QRICH2: variants seen among roughly 807,000 people sequenced by gnomAD.
QRICH2 encodes glutamine rich 2.
Under a neutral mutation model 168.3 loss-of-function variants are expected in QRICH2, and 119 were observed. The ratio of observed to expected loss-of-function variants is 0.71; its 90% CI spans 0.61 to 0.82. The LOEUF is 0.82. Among genes scored for constraint, QRICH2 ranks in the 40% least tolerant of loss-of-function variants. The pLI, the probability that QRICH2 is intolerant of heterozygous loss-of-function variation, is 0.00. For synonymous variants in QRICH2, 894 were observed against 951.2 expected (o/e 0.94, Z 1.11); for missense variants, 2,241 against 2,491.6 (o/e 0.90, Z 2.14).
chr17:76,291,027 G>C lies in QRICH2; in HGVS notation c.3700C>G (p.Leu1234Val), dbSNP rs753194480. The change falls in exon 4 of 19, where the codon CTG (leucine) becomes GTG (valine). Residue 1234 changes from leucine to valine, a missense_variant. Physicochemically the swap from Leu to Val is conservative, Grantham distance 32. Transcript: ENST00000680821. ...QTDLEKIQFL[L>V]AQMVKRTIPP... ...AAGCGGCACCCACCCATCTGTGCCA[G>C]CAGGAACTGGATCTTCTCCAAGTCG... 6.2e-7 allele frequency: 1 copy of C among 1,612,160 alleles called. No homozygotes were observed. Among genetic ancestry groups the C allele is most frequent in the Non-Finnish European group, 8.5e-7 (1 of 1,178,328 alleles).
Position 76,287,224 on chromosome 17 carries a change from C to T in QRICH2, c.3979G>A (p.Val1327Ile), listed in dbSNP as rs1318222703. The change falls in exon 7 of 19, where the codon GTC (valine) becomes ATC (isoleucine). Residue 1327 changes from valine to isoleucine, a missense_variant. Transcript: ENST00000680821. ...DRGKAAMENS[V>I]SEASLYLQDQ... ...TGCAGGTAAAGGGAGGCTTCAGAGA[C>T]AGAATTTTCCATGGCAGCCTTGCCC... 6.2e-7 allele frequency: 1 copy of T among 1,613,930 alleles called. No individual in the cohort carries two copies. The highest frequency in any genetic ancestry group is 8.5e-7 in the Non-Finnish European group (1 of 1,179,956).
chr17:76,277,473 G>A (rs2070703465), intron 15 of QRICH2, among the ~76,000 whole-genome samples, 163 bp from the exon 16 acceptor site: 1 of 152,136 alleles, frequency 6.6e-6, no homozygotes, highest in South Asian at 2.1e-4. Flanking sequence ...CGGGGGTAGA[G>A]CAGCCGTGAG....
At chr17:76,302,186 C>A (rs2143386368) in intron 3 of QRICH2, among the ~76,000 whole-genome samples, 1 of 152,158 alleles carries the variant, frequency 6.6e-6, no homozygotes, top group East Asian at 1.9e-4. Context: ...CTGTGAGCCA[C>A]CGCGCCGGCC....
chr17:76,281,012 T>A lies in QRICH2; in HGVS notation c.4264-59A>T, dbSNP rs2070780048. The A allele has an allele frequency of 3.8e-6, 6 of 1,575,276 alleles. No homozygotes were observed. The Admixed American group carries it at 8.8e-5, about 23-fold the overall frequency. On this transcript the variant is annotated intron_variant, in intron 8 of 18. Coordinates refer to ENST00000680821, the MANE Select transcript of QRICH2 (RefSeq NM_001388453.1). This position sits in a 1 kb window ranked among gnomAD's most constrained non-coding sequence, Gnocchi z 4.4. ...CTGCTGGCGCGATCCCACCCCCTGC[T>A]GCCATAATATTGCTGCCCCAGGTAA...
In QRICH2 at chr17:76,292,558, A is replaced by T. The variant is rs142363861; in HGVS notation, c.2169T>A (p.Pro723=). 7.4e-6 allele frequency: 12 copies of T among 1,613,912 alleles called. No homozygotes were observed. The highest frequency in any genetic ancestry group is 1.6e-4 in the Middle Eastern group (1 of 6,084). The part of the protein sequence containing the change: ...SGADQSDLAQ[P]GAVQHGLVQP... ...GGACCAAACCATGCTGAACTGCACC[A>T]GGTTGAGCCAAATCACTCTGATCTG... is the stretch of plus-strand genomic sequence containing the variant. Residue 723 remains proline (P), a synonymous_variant, in exon 4 of 19, where the codon CCT becomes CCA. Transcript: ENST00000680821.
upstream of QRICH2, chr17:76,308,443 T>C: frequency 1.0e-6 from 1 of 985,324 alleles, no homozygotes; most frequent in Non-Finnish European, 1.2e-6. Flanking sequence ...TCCATCCCCT[T>C]AACCTAGAAA....
intron 18 of QRICH2, 22 bp downstream of exon 18, chr17:76,275,797 G>A (rs377038299): frequency 1.9e-5 from 31 of 1,601,238 alleles, no homozygotes; most frequent in East Asian, 6.7e-5. Context: ...CTGGCAGGAC[G>A]CCCCACCCAG....
Position 76,293,699 on chromosome 17 carries a change from C to G in QRICH2, c.1028G>C (p.Arg343Thr). The G allele has an allele frequency of 6.2e-7, 1 of 1,614,178 alleles. No homozygotes were observed. The highest frequency in any genetic ancestry group is 8.5e-7 in the Non-Finnish European group (1 of 1,180,032). The change falls in exon 4 of 19, where the codon AGG (arginine) becomes ACG (threonine). Residue 343 changes from arginine (R) to threonine (T), a missense_variant. By Grantham distance (71) the Arg-to-Thr change is moderately conservative. Coordinates refer to ENST00000680821, the MANE Select transcript of QRICH2 (RefSeq NM_001388453.1). Reference protein sequence around the residue: ...FQFKSDSDRHRSREKLTSTQP... With the variant: ...FQFKSDSDRHTSREKLTSTQP... Reference sequence around the variant, plus strand: ...TGTCGAGGTAAGCTTCTCTCTACTCCTGTGACGATCTGAGTCTGATTTGAA... The same window carrying G: ...TGTCGAGGTAAGCTTCTCTCTACTCGTGTGACGATCTGAGTCTGATTTGAA...
At chr17:76,279,271 T>G in intron 13 of QRICH2, 92 bp downstream of exon 13, 1 of 1,353,076 alleles carries the variant, frequency 7.4e-7, no homozygotes, top group Non-Finnish European at 1.0e-6. Flanking sequence ...AGCAGACACA[T>G]GAAAGAAAGG....
chr17:76,294,969 T>C (rs1053748995), intron 3 of QRICH2, among the ~76,000 whole-genome samples: 1 of 151,746 alleles, frequency 6.6e-6, no homozygotes. Context: ...CGGTGGCTCA[T>C]GCCTGTAATC....
chr17:76,278,309 G>T (rs977314095), intron 14 of QRICH2, 120 bp from the exon 15 acceptor site: 3 of 938,966 alleles, frequency 3.2e-6, no homozygotes, highest in Middle Eastern at 3.3e-4. Context: ...GCTGGGGGTC[G>T]CTGGGCAGCT....
In QRICH2 at chr17:76,291,802, A is replaced by G. The variant is rs752066056; in HGVS notation, c.2925T>C (p.Gly975=). The G allele has an allele frequency of 6.2e-7, 1 of 1,614,172 alleles. No homozygotes were observed. Among genetic ancestry groups the G allele is most frequent in the African/African-American group, 1.3e-5 (1 of 75,048 alleles). The change falls in exon 4 of 19, where the codon GGT becomes GGC. Residue 975 remains glycine (G), a synonymous_variant. Transcript: ENST00000680821. The part of the protein sequence containing the change: ...GMDQYGLRQP[G]AYQPGLIAPG... Reference sequence around the variant, plus strand: ...GTGCTATCAAGCCTGGCTGATATGCACCAGGTTGTCTCAAACCATACTGAT... The same window carrying G: ...GTGCTATCAAGCCTGGCTGATATGCGCCAGGTTGTCTCAAACCATACTGAT...
chr17:76,278,323 C>T (rs2070727356), intron 14 of QRICH2, 134 bp from the exon 15 acceptor site: 1 of 802,882 alleles, frequency 1.2e-6, no homozygotes, highest in South Asian at 1.6e-5. Flanking sequence ...GGCAGCTTGA[C>T]CCCTCAGCAG....
rs1208279795 is a variant in QRICH2 at position 76,293,230 on chromosome 17, G to A, written c.1497C>T (p.Gly499=). The change falls in exon 4 of 19, where the codon GGC becomes GGT. Residue 499 remains glycine, a synonymous_variant. Transcript: ENST00000680821. The part of the protein sequence containing the change: ...GMDQRGCVIS[G]MGQQGLVPPG... ...GGGGTACTAGTCCTTGCTGACCCATGCCTGATATTACACATCCACGCTGAT... is the reference window on the plus strand; with the variant it reads ...GGGGTACTAGTCCTTGCTGACCCATACCTGATATTACACATCCACGCTGAT... 6 of 1,613,908 alleles carry A rather than the reference G, an allele frequency of 3.7e-6. No homozygotes were observed. The highest frequency in any genetic ancestry group is 2.2e-5 in the East Asian group (1 of 44,900).
At chr17:76,279,307 G>T in intron 13 of QRICH2, 56 bp downstream of exon 13, 1 of 1,468,446 alleles carries the variant, frequency 6.8e-7, no homozygotes, top group Non-Finnish European at 9.5e-7. Flanking sequence ...CACAGGTGAA[G>T]GGAGGAGACG....
At position 76,280,075 on chromosome 17, in the gene QRICH2, C is replaced by T. The variant is rs759386716; in HGVS notation, c.4706G>A (p.Arg1569His). 34 of 1,613,400 alleles carry T rather than the reference C, an allele frequency of 2.1e-5. No homozygotes were observed. Among genetic ancestry groups the T allele is most frequent in the African/African-American group, 4.0e-5 (3 of 74,928 alleles). The change falls in exon 12 of 19, where the codon CGC becomes CAC. Residue 1569 changes from arginine to histidine, a missense_variant. Transcript: ENST00000680821. The surrounding 1 kb of genome is among the most constrained non-coding windows in gnomAD (Gnocchi z 7.4). ...WKSLRQQLRE[R>H]PPLYQADEAA... ...CTCGTCTGCCTGGTAGAGTGGGGGG[C>T]GCTCCCTGAGCTGCTGTCGCAGCGA...
At chr17:76,308,532 C>G (rs1190915852), upstream of QRICH2, 1 of 979,034 alleles carries the variant, frequency 1.0e-6, no homozygotes, top group Non-Finnish European at 1.2e-6. Flanking sequence ...TTTGTGTCAT[C>G]AGCTGCGTCC....
chr17:76,292,309 T>C lies in QRICH2; in HGVS notation c.2418A>G (p.Ala806=), dbSNP rs1290295871. The C allele has an allele frequency of 1.3e-6, 2 of 1,598,638 alleles. No homozygotes were observed. Among genetic ancestry groups the C allele is most frequent in the Non-Finnish European group, 1.7e-6 (2 of 1,172,858 alleles). ...CAGGTTGCACCAAACCACGCTGAAC[T>C]GCACCAGGTTGCACCAAACCACGCT... is the stretch of plus-strand genomic sequence containing the variant. ...IVQRGLVQPG[A]VQRGLVQPGA... is the part of the protein sequence containing the mutation. Residue 806 remains alanine, a synonymous_variant, in exon 4 of 19, where the codon GCA becomes GCG. Coordinates refer to ENST00000680821, the MANE Select transcript of QRICH2 (RefSeq NM_001388453.1).
In QRICH2 at chr17:76,291,917, T is replaced by C. The variant is rs745748816; in HGVS notation, c.2810A>G (p.Tyr937Cys). Residue 937 changes from tyrosine to cysteine, a missense_variant, in exon 4 of 19, where the codon TAT becomes TGT. Tyr to Cys is a radical substitution (Grantham distance 194, BLOSUM62 -2). Around this residue, in one of 3 missense-constraint regions of QRICH2, gnomAD observed 2,047 missense variants for 2,303.8 expected, o/e 0.89. Transcript: ENST00000680821. Reference protein sequence around the residue: ...DPHGLVQPGAYPLGLVQPGAY... With the variant: ...DPHGLVQPGACPLGLVQPGAY... ...ACCAGGTTGTACCAAACCAAGAGGA[T>C]AGGCACCAGGTTGTACCAGGCCATG... 1.2e-6 allele frequency: 2 copies of C among 1,614,010 alleles called. No individual in the cohort carries two copies. Among genetic ancestry groups the C allele is most frequent in the South Asian group, 1.1e-5 (1 of 91,076 alleles).
Sources: allele counts gnomAD v4.1 joint callset (sites outside exome capture counted in the v4.1 genomes callset), GRCh38; gene constraint gnomAD v4.1.1; regional missense constraint gnomAD v4.1.1; non-coding constraint Gnocchi (gnomAD v3.1); transcripts MANE v1.5; gene names NCBI Gene and HGNC (gene_info 2026-07-23, HGNC 2026-07-21).